NAALADL2: variants seen among roughly 807,000 people sequenced by gnomAD.
NAALADL2 encodes N-acetylated alpha-linked acidic dipeptidase like 2.
A neutral mutation model predicts 87.2 loss-of-function variants in NAALADL2; 76 were observed. The observed-to-expected ratio is 0.87, with a 90% CI of 0.72 to 1.05. NAALADL2 has a LOEUF of 1.05. Ranked by LOEUF, NAALADL2 falls within the 50% of genes least tolerant of loss-of-function variation. NAALADL2 has a pLI of 0.00. For synonymous variants in NAALADL2, 354 were observed against 331.0 expected, an observed-to-expected ratio of 1.07 and a Z score of -0.75; for missense variants, 1,089 against 945.8, an observed-to-expected ratio of 1.15 and a Z score of -1.99.
intron 1 of NAALADL2, among the ~76,000 whole-genome samples, chr3:174,451,843 G>A (rs961549951): frequency 1.0e-5 from 1 of 98,098 alleles, no homozygotes; most frequent in Non-Finnish European, 1.9e-5. Flanking sequence ...GATAGTGGGA[G>A]TTTTTTTTTT....
chr3:175,770,214 T>A (rs1559992003), intron 13 of NAALADL2, among the ~76,000 whole-genome samples: 1 of 152,116 alleles, frequency 6.6e-6, no homozygotes, highest in East Asian at 1.9e-4. Context: ...ATCGAGAAGA[T>A]TAATTTGTAA....
intron 9 of NAALADL2, among the ~76,000 whole-genome samples, chr3:175,474,438 T>C (rs1725349862): frequency 1.3e-5 from 2 of 152,272 alleles, no homozygotes; most frequent in Admixed American, 1.3e-4. Flanking sequence ...ATTTATAGAA[T>C]GTTATTCAAA....
chr3:175,498,056 G>T (rs1318877195), intron 9 of NAALADL2, among the ~76,000 whole-genome samples: 1 of 152,026 alleles, frequency 6.6e-6, no homozygotes, highest in Admixed American at 6.6e-5. Flanking sequence ...AGTTACTGAA[G>T]AATGTATCAG....
intron 1 of NAALADL2, among the ~76,000 whole-genome samples, chr3:174,509,835 A>G (rs1486790943): frequency 1.3e-5 from 2 of 152,044 alleles, no homozygotes; most frequent in East Asian, 3.9e-4. Flanking sequence ...AAATACAGTC[A>G]GATTGAGGGT....
At chr3:175,580,681 G>A (rs62284483) in intron 10 of NAALADL2, among the ~76,000 whole-genome samples, 19,323 of 152,124 alleles carry the variant, frequency 0.13, 1,388 homozygotes, top group Middle Eastern at 0.17. Flanking sequence ...TTCAAAGTGT[G>A]CCAGTTGTAA....
intron 5 of NAALADL2, among the ~76,000 whole-genome samples, chr3:175,432,100 A>C (rs1269882983): frequency 2.0e-5 from 3 of 152,056 alleles, no homozygotes; most frequent in African/African-American, 7.2e-5. Context: ...GTAGACTCTG[A>C]TCTCACCTGC....
chr3:174,705,628 C>T (rs1244934058), intron 2 of NAALADL2, among the ~76,000 whole-genome samples: 1 of 151,656 alleles, frequency 6.6e-6, no homozygotes, highest in Non-Finnish European at 1.5e-5. Flanking sequence ...ACTAAAAATA[C>T]AAAAATTAGC....
intron 10 of NAALADL2, among the ~76,000 whole-genome samples, chr3:175,587,645 G>T (rs1720727524): frequency 6.6e-6 from 1 of 152,024 alleles, no homozygotes; most frequent in African/African-American, 2.4e-5. Flanking sequence ...AAAATTTAAT[G>T]TTCTTAGACT....
At chr3:175,445,962 G>A (rs1217632698) in intron 5 of NAALADL2, among the ~76,000 whole-genome samples, 2 of 152,064 alleles carry the variant, frequency 1.3e-5, no homozygotes, top group Non-Finnish European at 1.5e-5. Context: ...GCCGGCCTAG[G>A]GTTGCCCTTG....
At chr3:175,074,869 C>T (rs577447648) in intron 1 of NAALADL2, among the ~76,000 whole-genome samples, 3 of 150,054 alleles carry the variant, frequency 2.0e-5, no homozygotes, top group South Asian at 2.1e-4. Flanking sequence ...AAGTATTCTT[C>T]GTAATAAGAG....
At chr3:175,292,909 TG>T (rs1560302800) in intron 4 of NAALADL2, among the ~76,000 whole-genome samples, 1 of 151,372 alleles carries the variant, frequency 6.6e-6, no homozygotes, top group African/African-American at 2.4e-5. Flanking sequence ...TGGTGGCAGG[TG>T]CCTGTAGTCC....
chr3:175,231,721 C>T (rs932105927), intron 2 of NAALADL2, among the ~76,000 whole-genome samples: 1 of 152,040 alleles, frequency 6.6e-6, no homozygotes, highest in Admixed American at 6.6e-5. Context: ...AAGCAGTCTT[C>T]GCATTTTTCT....
At chr3:174,815,110 C>T (rs889603374) in intron 3 of NAALADL2, among the ~76,000 whole-genome samples, 3 of 152,166 alleles carry the variant, frequency 2.0e-5, no homozygotes, top group African/African-American at 7.2e-5. Context: ...AGTTTTATAG[C>T]ATCCTTGGGC....
At chr3:175,013,278 C>CAT (rs1174600904) in intron 1 of NAALADL2, among the ~76,000 whole-genome samples, 1,108 of 73,644 alleles carry the variant, frequency 0.015, 27 homozygotes, top group Admixed American at 0.028. Context: ...TATATATATA[C>CAT]ATATATATAT....
At chr3:175,550,367 AGAG>A (rs562101002) in intron 9 of NAALADL2, among the ~76,000 whole-genome samples, 12 of 152,288 alleles carry the variant, frequency 7.9e-5, no homozygotes, top group African/African-American at 2.9e-4. Flanking sequence ...AATAAAAGGA[AGAG>A]GAGAATAAAT....
chr3:174,869,770 T>G (rs1727579005), intron 1 of NAALADL2, among the ~76,000 whole-genome samples: 1 of 151,960 alleles, frequency 6.6e-6, no homozygotes. Context: ...CCAAGACGTA[T>G]GGGTCACCTG....
intron 2 of NAALADL2, among the ~76,000 whole-genome samples, chr3:174,593,239 G>A (rs1352960687): frequency 6.6e-6 from 1 of 152,132 alleles, no homozygotes; most frequent in Non-Finnish European, 1.5e-5. Context: ...AGCATAAACT[G>A]TGTAACTCAA....
chr3:175,307,715 G>A (rs1471122940), intron 4 of NAALADL2, among the ~76,000 whole-genome samples: 1 of 152,150 alleles, frequency 6.6e-6, no homozygotes, highest in Non-Finnish European at 1.5e-5. Flanking sequence ...ATTGAACATT[G>A]TGGATTTCTT....
chr3:175,194,952 G>A (rs1176064566), intron 2 of NAALADL2, among the ~76,000 whole-genome samples: 2 of 151,536 alleles, frequency 1.3e-5, no homozygotes, highest in East Asian at 3.9e-4. Context: ...AATTTGGCTG[G>A]AGTCACCATT....
Sources: gnomAD v4.1 joint callset for allele counts (sites outside exome capture counted in the v4.1 genomes callset) on GRCh38, gnomAD v4.1.1 for gene constraint, MANE v1.5 for transcripts, NCBI Gene and HGNC (gene_info 2026-07-23, HGNC 2026-07-21) for gene names.